EPHA6: variants seen among roughly 807,000 people sequenced by gnomAD.
EPHA6 encodes the protein ephrin type-A receptor 6.
In EPHA6, 50 loss-of-function variants were observed where a neutral mutation model predicts 112.0. The observed-to-expected ratio is 0.45, with a 90% confidence interval of 0.36 to 0.56. The LOEUF is 0.56. Among genes scored for constraint, EPHA6 ranks in the 20% least tolerant of loss-of-function variants. The probability of loss-of-function intolerance (pLI) is 0.00; values close to 1 mark genes in which losing one functional copy is unlikely to be tolerated. For missense variants in EPHA6, 1,280 were observed against 1,417.4 expected, an observed-to-expected ratio of 0.90 and a Z score of 1.56; for synonymous variants, 529 against 490.7, an observed-to-expected ratio of 1.08 and a Z score of -1.03.
intron 14 of EPHA6, among the ~76,000 whole-genome samples, chr3:97,679,354 T>G (rs966808790): frequency 6.6e-6 from 1 of 152,146 alleles, no homozygotes; most frequent in African/African-American, 2.4e-5. Flanking sequence ...AAGATAATCA[T>G]GGAAAATTAT....
At chr3:97,179,207 A>G (rs1453593050) in intron 3 of EPHA6, among the ~76,000 whole-genome samples, 1 of 151,908 alleles carries the variant, frequency 6.6e-6, no homozygotes, top group East Asian at 1.9e-4. Context: ...TCAGCTCCAG[A>G]ATTTCTGCTT....
chr3:96,918,664 GA>G (rs971394679), intron 2 of EPHA6, among the ~76,000 whole-genome samples: 41 of 151,992 alleles, frequency 2.7e-4, no homozygotes, highest in African/African-American at 9.4e-4. Context: ...TATTTTATGG[GA>G]AAAATATGTA....
At chr3:97,098,633 C>T (rs755774192) in intron 3 of EPHA6, among the ~76,000 whole-genome samples, 3 of 151,834 alleles carry the variant, frequency 2.0e-5, no homozygotes, top group Middle Eastern at 3.4e-3. Flanking sequence ...GTAGTTGAAC[C>T]TCTAAGACTT....
At chr3:96,940,022 A>G (rs540536964) in intron 2 of EPHA6, among the ~76,000 whole-genome samples, 1 of 152,282 alleles carries the variant, frequency 6.6e-6, no homozygotes, top group South Asian at 2.1e-4. Flanking sequence ...TTTACTTCCA[A>G]CTATGTGGTT....
In EPHA6 at chr3:97,554,029, A is replaced by G. The variant is rs536260843; in HGVS notation, c.2386+21486A>G. 6.6e-5 allele frequency among the ~76,000 whole-genome samples: 10 copies of G among 152,292 alleles called. No individual in the cohort carries two copies. The South Asian group carries it at 1.4e-3, about 22-fold the overall frequency. ...AGGATGGGAAAAAGTCAAATATTTT[A>G]TGAAAGAAAGTACATTATTAACAGC... On this transcript the variant is annotated intron_variant, in intron 11 of 17. Transcript: ENST00000389672.
chr3:97,542,705 C>A (rs1468297118), intron 11 of EPHA6, among the ~76,000 whole-genome samples: 2 of 152,146 alleles, frequency 1.3e-5, no homozygotes, highest in Non-Finnish European at 2.9e-5. Flanking sequence ...GTTTACAGTC[C>A]CACCAACAGT....
chr3:97,116,027 G>A (rs2047877474), intron 3 of EPHA6, among the ~76,000 whole-genome samples: 1 of 151,648 alleles, frequency 6.6e-6, no homozygotes, highest in Non-Finnish European at 1.5e-5. Flanking sequence ...ATTTAGCACT[G>A]AGACGTTTCT....
At chr3:97,665,504 A>T (rs2107644677) in intron 14 of EPHA6, among the ~76,000 whole-genome samples, 1 of 152,340 alleles carries the variant, frequency 6.6e-6, no homozygotes, top group East Asian at 1.9e-4. Context: ...CTAAAAGTTC[A>T]GACATGTTAT....
chr3:97,171,351 G>T (rs1299329631), intron 3 of EPHA6, among the ~76,000 whole-genome samples: 2 of 152,082 alleles, frequency 1.3e-5, no homozygotes, highest in Non-Finnish European at 1.5e-5. Flanking sequence ...CATGGAATAA[G>T]AAAATAGGAA....
intron 14 of EPHA6, chr3:97,646,105 C>T (rs926208514): frequency 5.3e-6 from 8 of 1,519,332 alleles, no homozygotes; most frequent in Non-Finnish European, 7.0e-6. Flanking sequence ...ATTAAAATGA[C>T]TTTGCCAATT....
intron 3 of EPHA6, among the ~76,000 whole-genome samples, chr3:97,131,872 G>A (rs1448240935): frequency 6.6e-6 from 1 of 152,094 alleles, no homozygotes; most frequent in Non-Finnish European, 1.5e-5. Flanking sequence ...GCCATAGCAG[G>A]CAAACAACCT....
intron 2 of EPHA6, among the ~76,000 whole-genome samples, chr3:96,923,841 T>C (rs902857821): frequency 1.3e-5 from 2 of 151,140 alleles, no homozygotes; most frequent in African/African-American, 4.9e-5. Context: ...TTCAGTTTTC[T>C]GTATATGGCT....
At chr3:97,386,077 C>T (rs1349128494) in intron 5 of EPHA6, among the ~76,000 whole-genome samples, 2 of 152,140 alleles carry the variant, frequency 1.3e-5, no homozygotes, top group Non-Finnish European at 2.9e-5. Context: ...GTTTTTCCAA[C>T]AGTCCCCCAA....
intron 11 of EPHA6, among the ~76,000 whole-genome samples, chr3:97,533,428 T>C (rs1015496793): frequency 1.1e-4 from 16 of 152,072 alleles, no homozygotes; most frequent in African/African-American, 3.9e-4. Context: ...CCTAAGTCCT[T>C]CTCACAAGGC....
chr3:97,176,863 A>G (rs1371761257), intron 3 of EPHA6, among the ~76,000 whole-genome samples: 1 of 142,902 alleles, frequency 7.0e-6, no homozygotes, highest in Non-Finnish European at 1.6e-5. Context: ...GATCTTTTGT[A>G]TTTTTTTTTC....
intron 11 of EPHA6, among the ~76,000 whole-genome samples, chr3:97,552,562 A>G (rs1023954696): frequency 2.0e-5 from 3 of 152,172 alleles, no homozygotes. Context: ...AATAGGCAAC[A>G]TCTCTCTTTT....
chr3:96,832,957 A>G (rs2034181699), intron 1 of EPHA6, among the ~76,000 whole-genome samples: 1 of 151,818 alleles, frequency 6.6e-6, no homozygotes, highest in African/African-American at 2.4e-5. Flanking sequence ...AAGTTATATT[A>G]TCATTATTAT....
chr3:97,031,097 G>C (rs953450248), intron 3 of EPHA6, among the ~76,000 whole-genome samples: 7 of 151,918 alleles, frequency 4.6e-5, no homozygotes, highest in Admixed American at 1.3e-4. Flanking sequence ...CCAAAACAGA[G>C]ATATAGGCCA....
rs926386062 is a variant in EPHA6, at chr3:97,760,111, T to C, written c.*11410T>C. On this transcript the variant is annotated 3_prime_UTR_variant, in exon 18 of 18. Transcript: ENST00000389672. ...TTGCATAATCAACCTGTCACTTTTT[T>C]CAAACACGATTTGGGAGGGTATTGA... The C allele has an allele frequency of 5.5e-6, 1 of 181,572 alleles. No individual in the cohort carries two copies. Among genetic ancestry groups the C allele is most frequent in the South Asian group, 2.0e-4 (1 of 5,076 alleles). 11.2% of individuals were successfully genotyped at this position (181,572 alleles called of 1,614,324 possible). A position where few individuals can be genotyped will look rare whatever the true frequency, so the allele number is the denominator to read the frequency against.
Sources: gnomAD v4.1 joint callset for allele counts (sites outside exome capture counted in the v4.1 genomes callset) on GRCh38, gnomAD v4.1.1 for gene constraint, MANE v1.5 for transcripts, NCBI Gene and HGNC (gene_info 2026-07-23, HGNC 2026-07-21) for gene names.